DST: variants seen among roughly 807,000 people sequenced by gnomAD.
The protein encoded by DST is bullous pemphigoid antigen.
DST carries 253 observed loss-of-function variants against 875.2 expected under a neutral mutation model. The observed-to-expected ratio is 0.29, with a 90% CI of 0.26 to 0.32. The LOEUF (loss-of-function observed/expected upper bound fraction) is 0.32, where lower values mean the gene tolerates loss of function less well. DST is among the 10% of genes least tolerant of loss of function. The pLI is 1.00. For synonymous variants in DST, 3,124 were observed against 3,197.1 expected (o/e 0.98, Z 0.77); for missense variants, 8,287 against 9,111.6 (o/e 0.91, Z 3.68).
intron 3 of DST, among the ~76,000 whole-genome samples, chr6:56,859,646 A>G (rs961810046): frequency 6.6e-6 from 1 of 152,238 alleles, no homozygotes; most frequent in Non-Finnish European, 1.5e-5. Context: ...TTATATTTTA[A>G]ATGGATTTTT....
chr6:56,460,308 T>G, intron 102 of DST, 54 bp from the exon 103 acceptor site: 1 of 1,599,178 alleles, frequency 6.3e-7, no homozygotes, highest in Non-Finnish European at 8.6e-7. Context: ...TACCATGATA[T>G]TCCACTGACA....
At position 56,638,687 on chromosome 6, in the gene DST, C is replaced by T. The variant is rs549602972; in HGVS notation, c.2964+572G>A. ...TGATAAATCCCATCTCAATTTTCCA[C>T]TTCTGAATTTGAAATGTTCACTGCA... is the stretch of plus-strand genomic sequence containing the variant. On this transcript the variant is annotated intron_variant, in intron 22 of 103. Coordinates refer to ENST00000680361, the MANE Select transcript of DST (RefSeq NM_001374736.1). 4.6e-5 allele frequency among the ~76,000 whole-genome samples: 7 copies of T among 152,164 alleles called. 1 individual carries two copies. The highest frequency in any genetic ancestry group is 7.4e-5 in the Non-Finnish European group (5 of 68,004).
intron 49 of DST, among the ~76,000 whole-genome samples, chr6:56,579,958 A>G (rs922940165): frequency 6.6e-6 from 1 of 152,168 alleles, no homozygotes; most frequent in African/African-American, 2.4e-5. Context: ...CTTCAGCAGT[A>G]ACAAAGCAGT....
At chr6:56,772,887 G>T (rs2099670161) in intron 4 of DST, among the ~76,000 whole-genome samples, 1 of 152,110 alleles carries the variant, frequency 6.6e-6, no homozygotes, top group South Asian at 2.1e-4. Flanking sequence ...AGCAAAAATG[G>T]TACGTTACTT....
chr6:56,646,753 C>T (rs1258799374), intron 13 of DST, among the ~76,000 whole-genome samples: 2 of 152,000 alleles, frequency 1.3e-5, no homozygotes, highest in African/African-American at 2.4e-5. Flanking sequence ...AAGTTTCAAC[C>T]GTGTAATTAA....
chr6:56,569,703 C>T (rs1379888272), intron 54 of DST, among the ~76,000 whole-genome samples, 153 bp downstream of exon 54: 1 of 151,910 alleles, frequency 6.6e-6, no homozygotes, highest in Non-Finnish European at 1.5e-5. Context: ...TTAGTTAAGC[C>T]CCATGCCATG....
At chr6:56,836,621 C>A (rs56037312) in intron 4 of DST, among the ~76,000 whole-genome samples, 20,700 of 151,660 alleles carry the variant, frequency 0.14, 1,686 homozygotes, top group Non-Finnish European at 0.18. Flanking sequence ...GAGGCCGAGG[C>A]GGGCGGATCA....
At position 56,619,726 on chromosome 6, in the gene DST, T is replaced by C. The variant is rs1487950350; in HGVS notation, c.4929+4804A>G. On this transcript the variant is annotated intron_variant, in intron 36 of 103. Coordinates refer to ENST00000680361, the MANE Select transcript of DST (RefSeq NM_001374736.1). The stretch of plus-strand genomic sequence containing the variant: ...ATTGCCTACCAAGCTCTCTGAGTTG[T>C]TGAGAATACCCTTTCTCCGCCTGAT... 7 of 1,614,148 alleles carry C rather than the reference T, an allele frequency of 4.3e-6. No individual in the cohort carries two copies. The East Asian group carries it at 8.9e-5, about 21-fold the overall frequency.
intron 3 of DST, among the ~76,000 whole-genome samples, chr6:56,875,867 TG>T (rs1338563558): frequency 6.6e-6 from 1 of 152,210 alleles, no homozygotes; most frequent in African/African-American, 2.4e-5. Flanking sequence ...ATCATCCTTT[TG>T]CTACTCTGTA....
At chr6:56,626,206 A>C (rs1437705248) in intron 34 of DST, among the ~76,000 whole-genome samples, 1 of 152,056 alleles carries the variant, frequency 6.6e-6, no homozygotes, top group Non-Finnish European at 1.5e-5. Context: ...GTGTAGTCTA[A>C]GTGTACAGTG....
At chr6:56,836,818 T>G (rs887067247) in intron 4 of DST, among the ~76,000 whole-genome samples, 3 of 134,216 alleles carry the variant, frequency 2.2e-5, no homozygotes, top group African/African-American at 8.5e-5. Flanking sequence ...GCCACTGCAC[T>G]CCCGCCTGGG....
intron 69 of DST, among the ~76,000 whole-genome samples, chr6:56,519,881 T>A (rs1300048540): frequency 6.6e-6 from 1 of 152,110 alleles, no homozygotes; most frequent in African/African-American, 2.4e-5. Flanking sequence ...GATAATCAAA[T>A]AGATGCCAAT....
chr6:56,535,202 C>T lies in DST; in HGVS notation c.16861G>A (p.Asp5621Asn). The T allele has an allele frequency of 6.2e-7, 1 of 1,613,846 alleles. No individual in the cohort carries two copies. Among genetic ancestry groups the T allele is most frequent in the Non-Finnish European group, 8.5e-7 (1 of 1,179,822 alleles). Residue 5621 changes from aspartate to asparagine, a missense_variant, in exon 63 of 104, where the codon GAC (aspartate) becomes AAC (asparagine). Physicochemically the swap from Asp to Asn is conservative, Grantham distance 23. Transcript: ENST00000680361. ...TGATTGGCCACAAGCTCCTCAGTGT[C>T]CACCATCCAGCTGAGCAGGGACTCC... is the stretch of plus-strand genomic sequence containing the variant. ...ALESLLSWMVDTEELVANQKP... is the reference protein window; with the variant it reads ...ALESLLSWMVNTEELVANQKP...
intron 102 of DST, among the ~76,000 whole-genome samples, chr6:56,462,668 C>A (rs1186744580): frequency 6.6e-6 from 1 of 152,098 alleles, no homozygotes; most frequent in African/African-American, 2.4e-5. Flanking sequence ...ATGTGTTGCA[C>A]TTCTTGCCCA....
chr6:56,468,343 A>T (rs1400354453), intron 98 of DST, among the ~76,000 whole-genome samples: 1 of 152,206 alleles, frequency 6.6e-6, no homozygotes, highest in African/African-American at 2.4e-5. Flanking sequence ...TCAAGATGGC[A>T]TAAAATGTGA....
chr6:56,622,823 T>C (rs2098702801), intron 36 of DST, among the ~76,000 whole-genome samples: 1 of 152,198 alleles, frequency 6.6e-6, no homozygotes, highest in African/African-American at 2.4e-5. Context: ...ATATCTAATA[T>C]CTATTACAGA....
intron 55 of DST, among the ~76,000 whole-genome samples, chr6:56,565,388 G>A (rs560528597): frequency 5.6e-4 from 85 of 152,112 alleles, no homozygotes; most frequent in African/African-American, 1.9e-3. Flanking sequence ...AAAAGTGCTG[G>A]GATTACAGGC....
intron 61 of DST, among the ~76,000 whole-genome samples, chr6:56,547,077 G>A (rs1401946311): frequency 6.6e-6 from 1 of 152,188 alleles, no homozygotes; most frequent in Non-Finnish European, 1.5e-5. Context: ...ATAAAGGGCC[G>A]TAGCATTAGT....
intron 78 of DST, 102 bp from the exon 79 acceptor site, chr6:56,501,795 T>G: frequency 1.3e-6 from 1 of 791,342 alleles, no homozygotes; most frequent in South Asian, 2.5e-5. Context: ...CACTACTTAC[T>G]GAGGGGAGGT....
Sources: allele counts gnomAD v4.1 joint callset (sites outside exome capture counted in the v4.1 genomes callset), GRCh38; gene constraint gnomAD v4.1.1; transcripts MANE v1.5; gene names NCBI Gene and HGNC (gene_info 2026-07-23, HGNC 2026-07-21).